Variants in WDFY3 observed in about 807,000 individuals in gnomAD.
The protein encoded by WDFY3 is WD repeat and FYVE domain containing 3, also known as WD repeat and FYVE domain-containing protein 3.
WDFY3 carries 66 observed loss-of-function variants against 409.6 expected under a neutral mutation model. The observed-to-expected ratio is 0.16, with a 90% confidence interval of 0.13 to 0.20. The LOEUF (loss-of-function observed/expected upper bound fraction) is 0.20, where lower values mean the gene tolerates loss of function less well. Ranked by LOEUF, WDFY3 falls within the 10% of genes least tolerant of loss-of-function variation. WDFY3 has a pLI of 1.00. For synonymous variants in WDFY3, 1,521 were observed against 1,537.1 expected (o/e 0.99, Z 0.25); for missense variants, 3,031 against 4,298.1 (o/e 0.71, Z 8.24).
chr4:84,885,991 A>T (rs2150450154), intron 3 of WDFY3, among the ~76,000 whole-genome samples: 1 of 152,350 alleles, frequency 6.6e-6, no homozygotes, highest in South Asian at 2.1e-4. Context: ...TAGTTATTTA[A>T]AAGTATACAT....
intron 3 of WDFY3, among the ~76,000 whole-genome samples, chr4:84,885,418 G>A (rs1027088789): frequency 1.3e-5 from 2 of 150,352 alleles, no homozygotes; most frequent in Admixed American, 6.6e-5. Flanking sequence ...ATCACTTACC[G>A]TATATAAAAA....
chr4:84,893,667 C>T (rs190430495), intron 3 of WDFY3, among the ~76,000 whole-genome samples: 1 of 152,244 alleles, frequency 6.6e-6, no homozygotes, highest in East Asian at 1.9e-4. Context: ...TTCTAGACTA[C>T]CAACATCTAC....
chr4:84,847,411 A>G (rs999256920), intron 5 of WDFY3, among the ~76,000 whole-genome samples: 2 of 152,040 alleles, frequency 1.3e-5, no homozygotes, highest in Non-Finnish European at 2.9e-5. Context: ...CAAATTGATA[A>G]AAAAACCTTT....
intron 32 of WDFY3, among the ~76,000 whole-genome samples, chr4:84,760,209 T>A (rs1052720674): frequency 6.6e-6 from 1 of 152,158 alleles, no homozygotes; most frequent in African/African-American, 2.4e-5. Context: ...GGTTTGCCAG[T>A]ATTTTATTGA....
intron 36 of WDFY3, 36 bp downstream of exon 36, chr4:84,751,447 T>C (rs1426447803): frequency 2.5e-6 from 4 of 1,596,792 alleles, no homozygotes; most frequent in Non-Finnish European, 8.6e-7. Context: ...TAAAAAGTAA[T>C]GCAAAAGAGA....
At chr4:84,950,415 TA>T (rs74222011) in intron 1 of WDFY3, among the ~76,000 whole-genome samples, 12,400 of 131,548 alleles carry the variant, frequency 0.094, 682 homozygotes, top group African/African-American at 0.17. Flanking sequence ...TAAAGTTTAA[TA>T]AAAAAAAAAA....
chr4:84,885,576 C>T (rs1764109538), intron 3 of WDFY3, among the ~76,000 whole-genome samples: 1 of 151,738 alleles, frequency 6.6e-6, no homozygotes, highest in South Asian at 2.1e-4. Flanking sequence ...ACAAGTAATG[C>T]AACAAGAAAA....
chr4:84,952,183 C>T (rs538041788), intron 1 of WDFY3, among the ~76,000 whole-genome samples: 1 of 152,246 alleles, frequency 6.6e-6, no homozygotes, highest in South Asian at 2.1e-4. Context: ...TCCTCACATC[C>T]TCCTGAAAGT....
intron 1 of WDFY3, among the ~76,000 whole-genome samples, chr4:84,958,894 A>C (rs183819618): frequency 2.0e-5 from 3 of 152,338 alleles, no homozygotes; most frequent in African/African-American, 7.2e-5. Context: ...GGACCTTTAC[A>C]GAGAGGCCTT....
chr4:84,738,442 C>CA (rs754686101), intron 40 of WDFY3, among the ~76,000 whole-genome samples: 19 of 150,748 alleles, frequency 1.3e-4, no homozygotes, highest in Middle Eastern at 3.4e-3. Flanking sequence ...ACTAAAAATA[C>CA]AAAAAAAAAT....
chr4:84,834,649 C>G (rs1054303564), intron 7 of WDFY3, among the ~76,000 whole-genome samples: 7 of 151,752 alleles, frequency 4.6e-5, no homozygotes, highest in Non-Finnish European at 8.8e-5. Context: ...AAATTCTCTC[C>G]AAAAAAAATT....
In WDFY3 at chr4:84,733,593, A is replaced by G; in HGVS notation, c.7010T>C (p.Leu2337Pro). ...KEYQERQQNA[L>P]KYVTEEWCQI... ...ACACCACTCTTCTGTCACGTACTTC[A>G]GGGCATTCTGCTGACGCTGACAGGA... Residue 2337 changes from leucine to proline, a missense_variant, in exon 44 of 68, where the codon CTG becomes CCG. Leu to Pro is a moderately conservative substitution (Grantham distance 98, BLOSUM62 -3). Transcript: ENST00000295888. 1.2e-6 allele frequency: 2 copies of G among 1,612,210 alleles called. No individual in the cohort carries two copies.
chr4:84,876,016 G>C (rs1263285987), intron 3 of WDFY3, among the ~76,000 whole-genome samples: 1 of 152,070 alleles, frequency 6.6e-6, no homozygotes, highest in African/African-American at 2.4e-5. Context: ...CAGTAACATG[G>C]TAATTTATTA....
At chr4:84,856,045 A>C (rs919635373) in intron 4 of WDFY3, among the ~76,000 whole-genome samples, 1 of 152,208 alleles carries the variant, frequency 6.6e-6, no homozygotes, top group African/African-American at 2.4e-5. Context: ...GCACAGACCC[A>C]AGCCACATTC....
chr4:84,803,571 A>T (rs1275604491), intron 15 of WDFY3, 104 bp from the exon 16 acceptor site: 1 of 1,265,926 alleles, frequency 7.9e-7, no homozygotes. Flanking sequence ...GTTAGAAAAC[A>T]CCTTAAGGTT....
chr4:84,796,712 A>G lies in WDFY3; in HGVS notation c.2976T>C (p.Asn992=). The change falls in exon 19 of 68, where the codon AAT becomes AAC. Residue 992 remains asparagine, a synonymous_variant. Coordinates refer to ENST00000295888, the MANE Select transcript of WDFY3 (RefSeq NM_014991.6). ...GGTTATCTTCATGTAAGCTAAAAAC[A>G]TTATCAGTACCCAGACCTTCCAGAG... is the stretch of plus-strand genomic sequence containing the variant. The part of the protein sequence containing the change: ...ITSLEGLGTD[N]VFSLHEDNHY... The G allele has an allele frequency of 1.2e-6, 2 of 1,614,122 alleles. No homozygotes were observed. Among genetic ancestry groups the G allele is most frequent in the Non-Finnish European group, 1.7e-6 (2 of 1,180,006 alleles).
chr4:84,679,739 C>T (rs1727004286), intron 64 of WDFY3, among the ~76,000 whole-genome samples: 1 of 151,828 alleles, frequency 6.6e-6, no homozygotes, highest in Non-Finnish European at 1.5e-5. Context: ...GTATTCTCCC[C>T]CTTTTCTGGA....
In WDFY3 at chr4:84,715,291, A is replaced by T; in HGVS notation, c.7961+7T>A. 6.4e-7 allele frequency: 1 copy of T among 1,558,802 alleles called. No individual in the cohort carries two copies. Among genetic ancestry groups the T allele is most frequent in the South Asian group, 1.1e-5 (1 of 88,982 alleles). On this transcript the variant is annotated splice_region_variant and intron_variant, in intron 50 of 67. Coordinates refer to ENST00000295888, the MANE Select transcript of WDFY3 (RefSeq NM_014991.6). ...ATAGTATACAAAGTGTTCCGAATAA[A>T]CAAGACCTTTGATAGACTTTGTTTC...
chr4:84,717,453 T>C (rs918804215), intron 48 of WDFY3, among the ~76,000 whole-genome samples: 6 of 152,224 alleles, frequency 3.9e-5, no homozygotes, highest in East Asian at 1.9e-4. Context: ...AAAGACTTCA[T>C]GTGACCCTGA....
Sources: gnomAD v4.1 joint callset for allele counts (sites outside exome capture counted in the v4.1 genomes callset) on GRCh38, gnomAD v4.1.1 for gene constraint, MANE v1.5 for transcripts, NCBI Gene and HGNC (gene_info 2026-07-23, HGNC 2026-07-21) for gene names.